Variants in PCDH9 observed in about 807,000 individuals in gnomAD.
PCDH9 encodes the protein protocadherin-9.
Under a neutral mutation model 70.6 loss-of-function variants are expected in PCDH9, and 24 were observed. The observed-to-expected ratio is 0.34, with a 90% CI of 0.25 to 0.48. The LOEUF (loss-of-function observed/expected upper bound fraction) is 0.48, where lower values mean the gene tolerates loss of function less well. Among genes scored for constraint, PCDH9 ranks in the 20% least tolerant of loss-of-function variants. The probability of loss-of-function intolerance (pLI) is 0.99; values close to 1 mark genes in which losing one functional copy is unlikely to be tolerated. For missense variants in PCDH9, 1,281 were observed against 1,503.6 expected, an observed-to-expected ratio of 0.85 and a Z score of 2.45; for synonymous variants, 562 against 558.5, an observed-to-expected ratio of 1.01 and a Z score of -0.09.
chr13:66,481,301 T>TAA (rs35064904), intron 4 of PCDH9, among the ~76,000 whole-genome samples: 126 of 138,742 alleles, frequency 9.1e-4, no homozygotes, highest in South Asian at 1.4e-3. Context: ...CTTAAAGTAT[T>TAA]AAAAAAAAAA....
chr13:66,358,320 A>G (rs908029425), intron 4 of PCDH9, among the ~76,000 whole-genome samples: 1 of 151,872 alleles, frequency 6.6e-6, no homozygotes. Flanking sequence ...TACATTTATT[A>G]CTCTTTCTTT....
chr13:66,672,762 T>C (rs1477138255), intron 3 of PCDH9, among the ~76,000 whole-genome samples: 1 of 152,154 alleles, frequency 6.6e-6, no homozygotes, highest in Non-Finnish European at 1.5e-5. Flanking sequence ...TCAAAGCATA[T>C]CATTTTGGAG....
intron 3 of PCDH9, among the ~76,000 whole-genome samples, chr13:66,687,495 C>T (rs1027313364): frequency 1.3e-5 from 2 of 152,094 alleles, no homozygotes; most frequent in Non-Finnish European, 2.9e-5. Flanking sequence ...TCAGTCCTCA[C>T]TCTATGTAGA....
intron 4 of PCDH9, among the ~76,000 whole-genome samples, chr13:66,524,134 A>T (rs951745913): frequency 1.4e-5 from 2 of 146,892 alleles, no homozygotes; most frequent in African/African-American, 4.9e-5. Context: ...TAGCTTTCAT[A>T]CTCTTTTGTC....
chr13:66,806,478 G>A (rs1470488855), intron 3 of PCDH9, among the ~76,000 whole-genome samples: 1 of 151,706 alleles, frequency 6.6e-6, no homozygotes, highest in Non-Finnish European at 1.5e-5. Flanking sequence ...GAACATTTGT[G>A]CCCAGTGTAG....
At chr13:66,516,531 A>C (rs1177689948) in intron 4 of PCDH9, among the ~76,000 whole-genome samples, 1 of 152,134 alleles carries the variant, frequency 6.6e-6, no homozygotes, top group Non-Finnish European at 1.5e-5. Flanking sequence ...TAAAGGATGA[A>C]CGGGGAATAA....
intron 2 of PCDH9, chr13:67,222,239 G>A (rs201596127): frequency 1.9e-5 from 1 of 51,842 alleles, no homozygotes. Flanking sequence ...TGTAAACTTT[G>A]TTGTTTTTTT....
intron 2 of PCDH9, among the ~76,000 whole-genome samples, chr13:67,089,802 G>A (rs2086180601): frequency 6.6e-6 from 1 of 151,972 alleles, no homozygotes. Context: ...TTCAGATGTT[G>A]ATAGAGAGAT....
intron 4 of PCDH9, among the ~76,000 whole-genome samples, chr13:66,358,911 TC>T (rs1026865998): frequency 6.6e-6 from 1 of 151,960 alleles, no homozygotes; most frequent in African/African-American, 2.4e-5. Flanking sequence ...TCACAAAGCT[TC>T]CCTCCCACTG....
Position 67,228,575 on chromosome 13 carries a change from G to A in PCDH9, c.-135C>T, listed in dbSNP as rs550488953. The A allele has an allele frequency of 4.9e-6, 3 of 617,366 alleles. No individual in the cohort carries two copies. The highest frequency in any genetic ancestry group is 3.8e-5 in the African/African-American group (2 of 53,100). The allele number at this position is 617,366 out of a possible 1,614,324, so 38.2% of individuals were successfully genotyped here. ...TCTCATCACTTATTTGGAGACAGCC[G>A]CTGTCAACACAATTGTATAGACAAT... On this transcript the variant is annotated splice_region_variant and 5_prime_UTR_variant, in exon 2 of 5. Transcript: ENST00000377865.
At chr13:67,003,600 T>G (rs575134054) in intron 2 of PCDH9, among the ~76,000 whole-genome samples, 1 of 152,170 alleles carries the variant, frequency 6.6e-6, no homozygotes, top group Non-Finnish European at 1.5e-5. Context: ...GGACTTTGAA[T>G]GTACCTGGAA....
At chr13:66,990,590 A>G (rs1300093278) in intron 2 of PCDH9, among the ~76,000 whole-genome samples, 1 of 149,628 alleles carries the variant, frequency 6.7e-6, no homozygotes, top group African/African-American at 2.4e-5. Flanking sequence ...ATACACATAT[A>G]TAAAACAAAT....
intron 4 of PCDH9, among the ~76,000 whole-genome samples, chr13:66,455,912 C>G (rs1045703335): frequency 1.3e-5 from 2 of 152,010 alleles, no homozygotes; most frequent in African/African-American, 4.8e-5. Flanking sequence ...GTAAGAGATT[C>G]ATAGCCTACA....
chr13:66,327,172 C>T (rs1274244180), intron 4 of PCDH9, among the ~76,000 whole-genome samples: 1 of 152,140 alleles, frequency 6.6e-6, no homozygotes, highest in African/African-American at 2.4e-5. Context: ...TGTTAGTTTG[C>T]TTTGGATGCT....
intron 4 of PCDH9, among the ~76,000 whole-genome samples, chr13:66,536,754 A>T (rs1258916812): frequency 6.6e-6 from 1 of 152,110 alleles, no homozygotes; most frequent in Non-Finnish European, 1.5e-5. Context: ...CAAGTTATGA[A>T]ACCGTGCTTT....
chr13:66,328,066 A>G (rs1955877992), intron 4 of PCDH9, among the ~76,000 whole-genome samples: 1 of 152,212 alleles, frequency 6.6e-6, no homozygotes, highest in South Asian at 2.1e-4. Flanking sequence ...CCTATTAAGT[A>G]TCCAAAATGG....
intron 2 of PCDH9, among the ~76,000 whole-genome samples, chr13:67,172,472 C>A (rs2088316163): frequency 6.6e-6 from 1 of 152,088 alleles, no homozygotes; most frequent in Non-Finnish European, 1.5e-5. Context: ...AGAGAGTTGG[C>A]TTCAAATAAT....
chr13:66,738,159 G>T (rs371567530), intron 3 of PCDH9, among the ~76,000 whole-genome samples: 99 of 151,678 alleles, frequency 6.5e-4, no homozygotes, highest in African/African-American at 1.6e-3. Flanking sequence ...ACGGGCAGAC[G>T]GCCTCCTCAA....
chr13:66,828,221 A>G (rs563394147), intron 3 of PCDH9, among the ~76,000 whole-genome samples: 10 of 152,202 alleles, frequency 6.6e-5, no homozygotes, highest in African/African-American at 2.4e-4. Context: ...GTAACCTCAC[A>G]GAATAAGAAG....
Sources: allele counts gnomAD v4.1 joint callset (sites outside exome capture counted in the v4.1 genomes callset), GRCh38; gene constraint gnomAD v4.1.1; transcripts MANE v1.5; gene names NCBI Gene and HGNC (gene_info 2026-07-23, HGNC 2026-07-21).